The following PPP1R12C variants were observed in gnomAD, a reference collection of about 807,000 sequenced individuals.
PPP1R12C encodes protein phosphatase 1 regulatory subunit 12C.
A neutral mutation model predicts 95.6 loss-of-function variants in PPP1R12C; 48 were observed. The observed-to-expected ratio is 0.50, with a 90% CI of 0.40 to 0.64. PPP1R12C has a LOEUF of 0.64. PPP1R12C is among the 30% of genes least tolerant of loss of function. PPP1R12C has a pLI of 0.00. For synonymous variants in PPP1R12C, 480 were observed against 460.8 expected, an observed-to-expected ratio of 1.04 and a Z score of -0.53; for missense variants, 1,057 against 1,083.3, an observed-to-expected ratio of 0.98 and a Z score of 0.34.
chr19:55,106,823 A>C (rs1027751889), intron 3 of PPP1R12C, among the ~76,000 whole-genome samples: 3 of 152,094 alleles, frequency 2.0e-5, no homozygotes, highest in Non-Finnish European at 2.9e-5. Flanking sequence ...GGGTGCGCAC[A>C]TCACCAGGCC....
At position 55,117,300 on chromosome 19, in the gene PPP1R12C, G is replaced by C; in HGVS notation, c.244C>G (p.Leu82Val). The change falls in exon 1 of 22, where the codon CTC becomes GTC. Residue 82 changes from leucine (L) to valine (V), a missense_variant. This residue lies in a region of PPP1R12C where 282 missense variants were observed against 380.4 expected (regional missense o/e 0.74). Transcript: ENST00000263433. ...RAADPGPGAE[L>V]DPAAPPPARA... ...GCGGGCGGCGGCGCGGCGGGGTCGAGCTCGGCGCCGGGGCCAGGGTCGGCG... is the reference window on the plus strand; with the variant it reads ...GCGGGCGGCGGCGCGGCGGGGTCGACCTCGGCGCCGGGGCCAGGGTCGGCG... The C allele has an allele frequency of 3.3e-6, 4 of 1,209,050 alleles. No individual in the cohort carries two copies. The highest frequency in any genetic ancestry group is 4.1e-6 in the Non-Finnish European group (4 of 974,600). The allele number at this position is 1,209,050 out of a possible 1,614,324, so 74.9% of individuals were successfully genotyped here. A position where few individuals can be genotyped will look rare whatever the true frequency, so the allele number is the denominator to read the frequency against.
In PPP1R12C at chr19:55,096,352, G is replaced by C. The variant is rs995768865; in HGVS notation, c.952-17C>G. 6.2e-7 allele frequency: 1 copy of C among 1,612,512 alleles called. No homozygotes were observed. The highest frequency in any genetic ancestry group is 1.3e-5 in the African/African-American group (1 of 74,842). ...GTTCCGAAGCTGCAAGGAGGGAAGG[G>C]GGCTGCAGGGGAGGGGTGGAGCACA... On this transcript the variant is annotated splice_polypyrimidine_tract_variant and intron_variant, in intron 6 of 21. Coordinates refer to ENST00000263433, the MANE Select transcript of PPP1R12C (RefSeq NM_017607.4).
At chr19:55,105,497 G>T (rs1461022578) in intron 3 of PPP1R12C, among the ~76,000 whole-genome samples, 1 of 152,162 alleles carries the variant, frequency 6.6e-6, no homozygotes, top group East Asian at 1.9e-4. Context: ...TTGTTGTGGT[G>T]GTGGTGGTAA....
At chr19:55,098,064 C>T (rs759574302) in intron 6 of PPP1R12C, among the ~76,000 whole-genome samples, 1 of 152,194 alleles carries the variant, frequency 6.6e-6, no homozygotes, top group Non-Finnish European at 1.5e-5. Context: ...AAGCTGTCTC[C>T]GCTCCCCTGC....
At position 55,095,567 on chromosome 19, in the gene PPP1R12C, G is replaced by C. The variant is rs754141456; in HGVS notation, c.1264C>G (p.Leu422Val). The change falls in exon 10 of 22, where the codon CTC (leucine) becomes GTC (valine). Residue 422 changes from leucine (L) to valine (V), a missense_variant. Around this residue, in one of 5 missense-constraint regions of PPP1R12C, gnomAD observed 356 missense variants for 330.5 expected, o/e 1.08. Transcript: ENST00000263433. ...GCACCAGAACTCCCTGTCTTCAGGA[G>C]GCCAAAGCGCCTGGAGAAGGGGGCC... The part of the protein sequence containing the change: ...EEAPFSRRFG[L>V]LKTGSSGALG... 4.4e-5 allele frequency: 70 copies of C among 1,583,124 alleles called. No individual in the cohort carries two copies. The South Asian group carries it at 7.2e-4, about 16-fold the overall frequency.
At chr19:55,113,167 T>C in intron 1 of PPP1R12C, 1 of 483,622 alleles carries the variant, frequency 2.1e-6, no homozygotes, top group Non-Finnish European at 3.6e-6. Context: ...GGGAAGAGGT[T>C]CCAGCCCCTC....
intron 3 of PPP1R12C, among the ~76,000 whole-genome samples, chr19:55,104,942 T>C (rs2085021404): frequency 6.6e-6 from 1 of 151,872 alleles, no homozygotes; most frequent in South Asian, 2.1e-4. Flanking sequence ...CAGCTAACTT[T>C]TGTATTTTTA....
At chr19:55,115,143 G>A (rs951581275) in intron 1 of PPP1R12C, 2 of 152,242 alleles carry the variant, frequency 1.3e-5, no homozygotes, top group African/African-American at 4.8e-5. Flanking sequence ...AAGGAAAGAA[G>A]GATGGAGAAA....
chr19:55,096,305 G>A lies in PPP1R12C; in HGVS notation c.982C>T (p.Arg328Trp), dbSNP rs202008761. The change falls in exon 7 of 22, where the codon CGG (arginine) becomes TGG (tryptophan). Residue 328 changes from arginine (R) to tryptophan (W), a missense_variant. By Grantham distance (101) the Arg-to-Trp change is moderately radical. This residue lies in a region of PPP1R12C where 356 missense variants were observed against 330.5 expected (regional missense o/e 1.08). Transcript: ENST00000263433. The part of the protein sequence containing the change: ...LRNQKEASQS[R>W]GQEPQAPSSS... ...GAGGGCGCTTGGGGCTCCTGGCCCC[G>A]GCTCTGGGAAGCTTCTTTTTGGTTC... The A allele has an allele frequency of 5.6e-6, 9 of 1,613,724 alleles. No individual in the cohort carries two copies. The highest frequency in any genetic ancestry group is 5.3e-5 in the African/African-American group (4 of 75,032).
At chr19:55,094,606 A>G in intron 12 of PPP1R12C, 55 bp downstream of exon 12, 8 of 1,534,580 alleles carry the variant, frequency 5.2e-6, no homozygotes, top group Non-Finnish European at 7.0e-6. Context: ...CCTGCTTCAC[A>G]TCGTCTCTCC....
At chr19:55,110,652 C>T (rs959246594) in intron 3 of PPP1R12C, among the ~76,000 whole-genome samples, 12 of 152,084 alleles carry the variant, frequency 7.9e-5, no homozygotes, top group Admixed American at 5.9e-4. Flanking sequence ...GCCAGCAGAT[C>T]GCCTGAGGTC....
In PPP1R12C at chr19:55,109,772, C is replaced by T. The variant is rs1462100618; in HGVS notation, c.571+2695G>A. On this transcript the variant is annotated intron_variant, in intron 3 of 21. Coordinates refer to ENST00000263433, the MANE Select transcript of PPP1R12C (RefSeq NM_017607.4). This position sits in a 1 kb window ranked among gnomAD's most constrained non-coding sequence, Gnocchi z 4.4. ...TGTCCTGCAGGGGGTGCAAAAGACC[C>T]GCCCTCCTTAGAGCTGGGGTGCAGC... 4.6e-5 allele frequency among the ~76,000 whole-genome samples: 7 copies of T among 152,206 alleles called. No individual in the cohort carries two copies. Among genetic ancestry groups the T allele is most frequent in the African/African-American group, 1.4e-4 (6 of 41,456 alleles).
chr19:55,097,804 G>C (rs2147188718), intron 6 of PPP1R12C, among the ~76,000 whole-genome samples: 1 of 152,276 alleles, frequency 6.6e-6, no homozygotes, highest in African/African-American at 2.4e-5. Flanking sequence ...CTCCCAGGCT[G>C]GTCTCCCCCC....
chr19:55,101,736 G>T (rs79951257), intron 4 of PPP1R12C, among the ~76,000 whole-genome samples: 3 of 152,156 alleles, frequency 2.0e-5, no homozygotes, highest in Admixed American at 6.5e-5. Context: ...CCCCCTTGTC[G>T]TAAGGATCAG....
rs2085072904 is a variant in PPP1R12C at position 55,109,522 on chromosome 19, TC to T, written c.571+2944del. Among the ~76,000 whole-genome samples, 2 of 152,328 alleles carry T rather than the reference TC, an allele frequency of 1.3e-5. No homozygotes were observed. The highest frequency in any genetic ancestry group is 4.1e-4 in the South Asian group (2 of 4,828). On this transcript the variant is annotated intron_variant, in intron 3 of 21. Coordinates refer to ENST00000263433, the MANE Select transcript of PPP1R12C (RefSeq NM_017607.4). The surrounding 1 kb of genome is among the most constrained non-coding windows in gnomAD (Gnocchi z 4.4). ...TTGCGGTGTTGGAGGGAGCGGTGGC[TC>T]CAGGCCACGAGGTGACTGGCTGAGC...
rs1476413559 is a variant in PPP1R12C at position 55,099,012 on chromosome 19, A to G, written c.815T>C (p.Val272Ala). Residue 272 changes from valine to alanine, a missense_variant, in exon 5 of 22, where the codon GTG becomes GCG. Val to Ala is a moderately conservative substitution (Grantham distance 64). Transcript: ENST00000263433. ...GGCCAGCAGGCGGCAGGCATCCTCC[A>G]CGCCCCAGTGTGCCGCTGCGTGCAG... Reference protein sequence around the residue: ...TPLHAAAHWGVEDACRLLAEH... With the variant: ...TPLHAAAHWGAEDACRLLAEH... 1 of 1,556,610 alleles carries G rather than the reference A, an allele frequency of 6.4e-7. No homozygotes were observed. Among genetic ancestry groups the G allele is most frequent in the African/African-American group, 1.4e-5 (1 of 73,540 alleles).
Position 55,091,356 on chromosome 19 carries a change from G to T in PPP1R12C, c.*116C>A. ...CCTCCCAGTCCGGAGGTCCCAGGGG[G>T]GCTATGGCTTCTCTGAGACTTCCCC... On this transcript the variant is annotated 3_prime_UTR_variant, in exon 22 of 22. Transcript: ENST00000263433. 9.1e-7 allele frequency: 1 copy of T among 1,100,654 alleles called. No homozygotes were observed. The highest frequency in any genetic ancestry group is 1.3e-6 in the Non-Finnish European group (1 of 762,290). 68.2% of individuals were successfully genotyped at this position (1,100,654 alleles called of 1,614,324 possible).
intron 3 of PPP1R12C, among the ~76,000 whole-genome samples, chr19:55,105,740 G>GCAACA (rs2085031488): frequency 6.6e-6 from 1 of 152,090 alleles, no homozygotes; most frequent in Admixed American, 6.6e-5. Flanking sequence ...GAGCCCACTA[G>GCAACA]TTTGAGAACA....
chr19:55,105,764 A>G (rs1434122022), intron 3 of PPP1R12C, among the ~76,000 whole-genome samples: 9 of 152,086 alleles, frequency 5.9e-5, no homozygotes, highest in Admixed American at 5.9e-4. Flanking sequence ...TGAGCAACAT[A>G]GGGAGACCTT....
Sources: allele counts gnomAD v4.1 joint callset (sites outside exome capture counted in the v4.1 genomes callset), GRCh38; gene constraint gnomAD v4.1.1; regional missense constraint gnomAD v4.1.1; non-coding constraint Gnocchi (gnomAD v3.1); transcripts MANE v1.5; gene names NCBI Gene and HGNC (gene_info 2026-07-23, HGNC 2026-07-21).